Variants in SLC25A21 observed in about 807,000 individuals in gnomAD.
SLC25A21 encodes the protein solute carrier family 25 member 21.
Under a neutral mutation model 43.8 loss-of-function variants are expected in SLC25A21, and 47 were observed. The observed-to-expected ratio is 1.07, with a 90% CI of 0.85 to 1.37. The LOEUF (loss-of-function observed/expected upper bound fraction) is 1.37, where lower values mean the gene tolerates loss of function less well. Ranked by LOEUF, SLC25A21 falls within the 40% of genes most tolerant of loss-of-function variation. The pLI is 0.00. For synonymous variants in SLC25A21, 131 were observed against 121.3 expected, an observed-to-expected ratio of 1.08 and a Z score of -0.52; for missense variants, 352 against 350.2, an observed-to-expected ratio of 1.00 and a Z score of -0.04.
chr14:36,729,477 C>T (rs1267943117), intron 5 of SLC25A21, 30 bp downstream of exon 5: 9 of 1,526,504 alleles, frequency 5.9e-6, no homozygotes, highest in Non-Finnish European at 7.1e-6. Flanking sequence ...ATAACACACA[C>T]ATTTAAGTAT....
intron 1 of SLC25A21, among the ~76,000 whole-genome samples, chr14:36,888,587 CAT>C (rs1191523691): frequency 2.0e-5 from 3 of 151,684 alleles, no homozygotes; most frequent in African/African-American, 7.3e-5. Context: ...GTAATGTGTC[CAT>C]GTGTGTGCAC....
At chr14:37,161,042 T>G (rs1413064633) in intron 1 of SLC25A21, among the ~76,000 whole-genome samples, 4 of 151,140 alleles carry the variant, frequency 2.6e-5, no homozygotes, top group Non-Finnish European at 5.9e-5. Flanking sequence ...AAATTCAATG[T>G]CTCATAGCAG....
At chr14:36,807,464 T>C (rs1335355055) in intron 3 of SLC25A21, among the ~76,000 whole-genome samples, 1 of 152,122 alleles carries the variant, frequency 6.6e-6, no homozygotes, top group Non-Finnish European at 1.5e-5. Flanking sequence ...AATAATTAGA[T>C]TCATGGCTGT....
chr14:37,154,330 T>C (rs1963809188), intron 1 of SLC25A21, among the ~76,000 whole-genome samples: 1 of 152,148 alleles, frequency 6.6e-6, no homozygotes, highest in South Asian at 2.1e-4. Context: ...AAAGCCAAAG[T>C]GCCCTACCTA....
intron 1 of SLC25A21, among the ~76,000 whole-genome samples, chr14:36,986,227 A>T (rs1291963662): frequency 1.3e-5 from 2 of 152,196 alleles, no homozygotes; most frequent in Non-Finnish European, 2.9e-5. Context: ...TATAATCTAC[A>T]TATTAAAAAC....
chr14:37,130,807 G>T (rs1472212573), intron 1 of SLC25A21, among the ~76,000 whole-genome samples: 1 of 152,170 alleles, frequency 6.6e-6, no homozygotes, highest in Non-Finnish European at 1.5e-5. Flanking sequence ...ATTAGATGAG[G>T]CAAAAATACA....
chr14:36,950,138 T>C (rs1007101556), intron 1 of SLC25A21, among the ~76,000 whole-genome samples: 1 of 152,198 alleles, frequency 6.6e-6, no homozygotes, highest in Non-Finnish European at 1.5e-5. Flanking sequence ...CCTTGAACCA[T>C]GTAATTTGTC....
intron 1 of SLC25A21, among the ~76,000 whole-genome samples, chr14:36,913,400 C>T (rs187065835): frequency 3.3e-5 from 5 of 152,214 alleles, no homozygotes; most frequent in East Asian, 1.9e-4. Context: ...GCCATCCTCC[C>T]GAGTAGTTGG....
At chr14:36,897,836 C>T (rs1364276942) in intron 1 of SLC25A21, among the ~76,000 whole-genome samples, 1 of 152,194 alleles carries the variant, frequency 6.6e-6, no homozygotes, top group Non-Finnish European at 1.5e-5. Flanking sequence ...GCAGCAGAGG[C>T]TGCAGAACAG....
intron 1 of SLC25A21, among the ~76,000 whole-genome samples, chr14:37,009,314 C>T (rs754454752): frequency 6.6e-5 from 10 of 152,092 alleles, no homozygotes; most frequent in Non-Finnish European, 1.2e-4. Flanking sequence ...ATGGCAAAAC[C>T]GTCTCTACTA....
chr14:36,924,192 A>T (rs1279032569), intron 1 of SLC25A21, among the ~76,000 whole-genome samples: 3 of 152,050 alleles, frequency 2.0e-5, no homozygotes, highest in African/African-American at 4.8e-5. Context: ...ACCCAAAGGA[A>T]TATAAATCAT....
At chr14:36,948,481 A>C (rs145474904) in intron 1 of SLC25A21, among the ~76,000 whole-genome samples, 5 of 152,314 alleles carry the variant, frequency 3.3e-5, no homozygotes, top group Non-Finnish European at 5.9e-5. Flanking sequence ...AGATAAAAAT[A>C]ATAATAAAGA....
At chr14:36,943,809 T>C (rs988112195) in intron 1 of SLC25A21, among the ~76,000 whole-genome samples, 4 of 152,096 alleles carry the variant, frequency 2.6e-5, no homozygotes, top group African/African-American at 9.7e-5. Flanking sequence ...GTATGAGTCT[T>C]ATACCACCTA....
intron 1 of SLC25A21, among the ~76,000 whole-genome samples, chr14:36,886,528 T>G (rs1890917888): frequency 6.6e-6 from 1 of 152,276 alleles, no homozygotes; most frequent in South Asian, 2.1e-4. Flanking sequence ...TCTCATAGAG[T>G]TTACTTTTAA....
intron 1 of SLC25A21, among the ~76,000 whole-genome samples, chr14:36,962,727 T>C (rs1431275576): frequency 6.6e-6 from 1 of 152,210 alleles, no homozygotes; most frequent in Non-Finnish European, 1.5e-5. Context: ...TAATAATTTA[T>C]GTTTTATTCA....
At chr14:37,164,879 G>T (rs1964005785) in intron 1 of SLC25A21, among the ~76,000 whole-genome samples, 1 of 152,016 alleles carries the variant, frequency 6.6e-6, no homozygotes, top group Non-Finnish European at 1.5e-5. Flanking sequence ...CCTCAAAAAA[G>T]TCTTTCATTT....
At chr14:37,171,835 A>T (rs1964134813) in intron 1 of SLC25A21, 1 of 167,152 alleles carries the variant, frequency 6.0e-6, no homozygotes, top group South Asian at 1.9e-4. Context: ...AGTCCTGTGG[A>T]GTCCTGTAAG....
At chr14:37,071,379 T>G (rs1291609161) in intron 1 of SLC25A21, among the ~76,000 whole-genome samples, 1 of 152,202 alleles carries the variant, frequency 6.6e-6, no homozygotes. Context: ...AGTTCTCTTT[T>G]TTATGCAAAC....
rs1374833400 is a variant in SLC25A21, at chr14:37,018,951, C to A, written c.71-143947G>T. ...CTATTAGAAAATACTCTGAATATAGCTGTGGGTTTATCCCAGGATCTACAG... is the reference window on the plus strand; with the variant it reads ...CTATTAGAAAATACTCTGAATATAGATGTGGGTTTATCCCAGGATCTACAG... On this transcript the variant is annotated intron_variant, in intron 1 of 9. Transcript: ENST00000331299. 2.6e-5 allele frequency among the ~76,000 whole-genome samples: 4 copies of A among 151,962 alleles called. No individual in the cohort carries two copies. The East Asian group carries it at 7.7e-4, about 29-fold the overall frequency.
Sources: allele counts gnomAD v4.1 joint callset (sites outside exome capture counted in the v4.1 genomes callset), GRCh38; gene constraint gnomAD v4.1.1; transcripts MANE v1.5; gene names NCBI Gene and HGNC (gene_info 2026-07-23, HGNC 2026-07-21).